The following FGL1 variants were observed in gnomAD, a reference collection of about 807,000 sequenced individuals.
The protein encoded by FGL1 is fibrinogen-like protein 1.
FGL1 carries 59 observed loss-of-function variants against 43.7 expected under a neutral mutation model. That is an observed-to-expected ratio of 1.35 (90% confidence interval 1.10 to 1.68). The LOEUF (loss-of-function observed/expected upper bound fraction) is 1.68, where lower values mean the gene tolerates loss of function less well. FGL1 is among the 40% of genes most tolerant of loss of function. The probability of loss-of-function intolerance (pLI) is 0.00; values close to 1 mark genes in which losing one functional copy is unlikely to be tolerated. For missense variants in FGL1, 596 were observed against 373.0 expected (o/e 1.60, Z -4.92); for synonymous variants, 192 against 126.5 (o/e 1.52, Z -3.48).
intron 7 of FGL1, among the ~76,000 whole-genome samples, chr8:17,866,210 T>C (rs535124593): frequency 1.6e-4 from 25 of 152,238 alleles, no homozygotes; most frequent in Non-Finnish European, 3.1e-4. Context: ...CATCGTTTAG[T>C]TTTTAGAACA....
At chr8:17,879,548 T>C (rs1048108089) in intron 3 of FGL1, among the ~76,000 whole-genome samples, 2 of 152,022 alleles carry the variant, frequency 1.3e-5, no homozygotes, top group African/African-American at 2.4e-5. Flanking sequence ...TGAGTTCTCA[T>C]GAGATCTGGT....
intron 3 of FGL1, among the ~76,000 whole-genome samples, chr8:17,880,547 C>A (rs967294646): frequency 6.6e-6 from 1 of 152,130 alleles, no homozygotes; most frequent in African/African-American, 2.4e-5. Context: ...AACTACCTTC[C>A]TTTCATTCCT....
chr8:17,866,623 T>A (rs1472218597), intron 7 of FGL1, among the ~76,000 whole-genome samples: 1 of 152,218 alleles, frequency 6.6e-6, no homozygotes, highest in Non-Finnish European at 1.5e-5. Flanking sequence ...ACCTAATGAA[T>A]GGCCTTTCTT....
At chr8:17,890,971 G>A (rs779456685) in intron 1 of FGL1, among the ~76,000 whole-genome samples, 1 of 152,042 alleles carries the variant, frequency 6.6e-6, no homozygotes, top group Non-Finnish European at 1.5e-5. Context: ...GGAGACACAC[G>A]CAAACAACAT....
At chr8:17,876,355 A>G (rs1260476444) in intron 3 of FGL1, among the ~76,000 whole-genome samples, 2 of 152,212 alleles carry the variant, frequency 1.3e-5, no homozygotes, top group Non-Finnish European at 2.9e-5. Flanking sequence ...AGACATCAGA[A>G]GAGAAAAGAA....
chr8:17,882,660 G>A (rs952216453), intron 2 of FGL1: 1 of 128,846 alleles, frequency 7.8e-6, no homozygotes, highest in African/African-American at 3.6e-5. Flanking sequence ...GTTTTTGAAT[G>A]GCTGTCTGGT....
chr8:17,867,261 C>A (rs1031786747), intron 7 of FGL1, among the ~76,000 whole-genome samples: 1 of 151,978 alleles, frequency 6.6e-6, no homozygotes, highest in Non-Finnish European at 1.5e-5. Context: ...GAGTAACGAG[C>A]AGATAAAGAA....
At chr8:17,884,840 A>G (rs561687378) in intron 2 of FGL1, among the ~76,000 whole-genome samples, 1 of 152,172 alleles carries the variant, frequency 6.6e-6, no homozygotes, top group Non-Finnish European at 1.5e-5. Context: ...TTTTTTATTC[A>G]CAAATGAAGG....
At chr8:17,894,040 C>A (rs1236242469) in intron 1 of FGL1, among the ~76,000 whole-genome samples, 1 of 145,940 alleles carries the variant, frequency 6.9e-6, no homozygotes, top group Non-Finnish European at 1.5e-5. Context: ...CTAATTCCTT[C>A]CCCACTATAT....
intron 1 of FGL1, among the ~76,000 whole-genome samples, chr8:17,887,735 T>C (rs938193694): frequency 2.0e-5 from 3 of 151,846 alleles, no homozygotes; most frequent in Admixed American, 1.3e-4. Flanking sequence ...ATTGGGAGGC[T>C]GAGGCAGGAG....
At chr8:17,888,226 G>C (rs898809283) in intron 1 of FGL1, among the ~76,000 whole-genome samples, 51 of 152,080 alleles carry the variant, frequency 3.4e-4, no homozygotes, top group Admixed American at 3.9e-4. Flanking sequence ...TTTTATAAAA[G>C]ATAAAATGGG....
chr8:17,868,445 TATAA>T (rs756285772), intron 7 of FGL1, 99 bp downstream of exon 7: 15 of 874,824 alleles, frequency 1.7e-5, no homozygotes, highest in African/African-American at 3.5e-5. Context: ...ATACTAATAT[TATAA>T]ATAAAGACTA....
At chr8:17,883,549 C>A (rs2053582253) in intron 2 of FGL1, among the ~76,000 whole-genome samples, 2 of 131,886 alleles carry the variant, frequency 1.5e-5, no homozygotes, top group East Asian at 2.2e-4. Flanking sequence ...ATATTATAGT[C>A]TACTTTATAT....
Position 17,869,905 on chromosome 8 carries a change from A to C in FGL1, c.503-901T>G, listed in dbSNP as rs544435761. On this transcript the variant is annotated intron_variant, in intron 5 of 7. Transcript: ENST00000427924. ...CGGGCGGATCACGAGGTCAGGAGAT[A>C]GAGACCATCCTGGCTAACACTGTGA... 1.2e-4 allele frequency among the ~76,000 whole-genome samples: 19 copies of C among 152,170 alleles called. No individual in the cohort carries two copies. The East Asian group carries it at 2.5e-3, about 20-fold the overall frequency.
intron 3 of FGL1, among the ~76,000 whole-genome samples, chr8:17,875,604 T>A (rs541235214): frequency 2.2e-4 from 32 of 147,578 alleles, no homozygotes; most frequent in Non-Finnish European, 4.4e-4. Context: ...TTTCTTTCTT[T>A]CTTTCTTTCT....
chr8:17,887,545 C>G (rs572545639), intron 1 of FGL1, among the ~76,000 whole-genome samples: 1 of 152,304 alleles, frequency 6.6e-6, no homozygotes, highest in South Asian at 2.1e-4. Flanking sequence ...TCACCCAACA[C>G]TGTGAACAAA....
rs962044240 is a variant in FGL1 at position 17,864,529 on chromosome 8, G to T, written c.*63C>A. On this transcript the variant is annotated 3_prime_UTR_variant, in exon 8 of 8. Transcript: ENST00000427924. The stretch of plus-strand genomic sequence containing the variant: ...GATTGCGCATGGATATGTTCAGAAT[G>T]AGTATTTTTCAAATCACTTTAAACA... 30 of 1,510,862 alleles carry T rather than the reference G, an allele frequency of 2.0e-5. No individual in the cohort carries two copies. Among genetic ancestry groups the T allele is most frequent in the African/African-American group, 1.4e-5 (1 of 71,854 alleles). The allele number at this position is 1,510,862 out of a possible 1,614,324, so 93.6% of individuals were successfully genotyped here.
At chr8:17,870,591 C>T (rs921235379) in intron 5 of FGL1, among the ~76,000 whole-genome samples, 1 of 152,162 alleles carries the variant, frequency 6.6e-6, no homozygotes, top group African/African-American at 2.4e-5. Flanking sequence ...CTCTTTCCAT[C>T]CCCATCTCCA....
intron 5 of FGL1, among the ~76,000 whole-genome samples, chr8:17,873,193 G>A (rs1334364497): frequency 6.6e-6 from 1 of 152,092 alleles, no homozygotes; most frequent in Admixed American, 6.5e-5. Context: ...AAAAGTCTGA[G>A]CTGCTCCTGT....
Sources: allele counts gnomAD v4.1 joint callset (sites outside exome capture counted in the v4.1 genomes callset), GRCh38; gene constraint gnomAD v4.1.1; transcripts MANE v1.5; gene names NCBI Gene and HGNC (gene_info 2026-07-23, HGNC 2026-07-21).